CLMN: variants seen among roughly 807,000 people sequenced by gnomAD.
CLMN encodes calmin.
CLMN carries 57 observed loss-of-function variants against 92.7 expected under a neutral mutation model. That is an observed-to-expected ratio of 0.61 (90% CI 0.50 to 0.77). CLMN has a LOEUF of 0.77. Ranked by LOEUF, CLMN falls within the 30% of genes least tolerant of loss-of-function variation. The pLI is 0.00. For missense variants in CLMN, 1,158 were observed against 1,237.5 expected (o/e 0.94, Z 0.96); for synonymous variants, 466 against 470.6 (o/e 0.99, Z 0.13).
At chr14:95,298,812 T>C (rs756867468) in intron 1 of CLMN, among the ~76,000 whole-genome samples, 32 of 152,120 alleles carry the variant, frequency 2.1e-4, no homozygotes, top group Non-Finnish European at 4.4e-4. Context: ...CATTCCTATA[T>C]TACAGAGGAA....
chr14:95,296,231 G>C (rs1228236979), intron 1 of CLMN: 1 of 152,256 alleles, frequency 6.6e-6, no homozygotes, highest in East Asian at 1.9e-4. Flanking sequence ...ACACAAGACA[G>C]AGAGGAAGGG....
intron 1 of CLMN, among the ~76,000 whole-genome samples, chr14:95,252,636 C>A (rs1898836221): frequency 6.6e-6 from 1 of 152,156 alleles, no homozygotes; most frequent in African/African-American, 2.4e-5. Context: ...GGCCGCCAAT[C>A]CAGAAAGACC....
At position 95,191,285 on chromosome 14, in the gene CLMN, C is replaced by T; in HGVS notation, c.*279G>A. 1 of 264,178 alleles carries T rather than the reference C, an allele frequency of 3.8e-6. No homozygotes were observed. 16.4% of individuals were successfully genotyped at this position (264,178 alleles called of 1,614,324 possible). ...AATGATCACTAACAATGCTCCCTATCCAACCCAGCAAGGCACACAAGGACA... is the reference window on the plus strand; with the variant it reads ...AATGATCACTAACAATGCTCCCTATTCAACCCAGCAAGGCACACAAGGACA... On this transcript the variant is annotated 3_prime_UTR_variant, in exon 13 of 13. Transcript: ENST00000298912. The surrounding 1 kb of genome is among the most constrained non-coding windows in gnomAD (Gnocchi z 5.3).
chr14:95,306,117 C>G (rs969338086), intron 1 of CLMN, among the ~76,000 whole-genome samples: 8 of 152,100 alleles, frequency 5.3e-5, no homozygotes, highest in African/African-American at 1.9e-4. Context: ...AGGGGGACCA[C>G]AGGTGACAGT....
At chr14:95,301,708 A>G (rs1595113604) in intron 1 of CLMN, among the ~76,000 whole-genome samples, 1 of 152,160 alleles carries the variant, frequency 6.6e-6, no homozygotes, top group Non-Finnish European at 1.5e-5. Context: ...CTACTAGGTC[A>G]CCTGGAGGCC....
rs751769788 is a variant in CLMN, at chr14:95,204,012, A to C, written c.1337T>G (p.Phe446Cys). Residue 446 changes from phenylalanine to cysteine, a missense_variant, in exon 9 of 13, where the codon TTT becomes TGT. By Grantham distance (205) the Phe-to-Cys change is radical (BLOSUM62 -2). Coordinates refer to ENST00000298912, the MANE Select transcript of CLMN (RefSeq NM_024734.4). ...PFCSKNLSLCFEGSPRVAKES... is the reference protein window; with the variant it reads ...PFCSKNLSLCCEGSPRVAKES... ...CTTTGCCACTCTTGGGCTCCCTTCA[A>C]AGCAAAGGGACAGGTTCTTACTGCA... 4 of 1,614,038 alleles carry C rather than the reference A, an allele frequency of 2.5e-6. No homozygotes were observed. The African/African-American group carries it at 5.3e-5, about 22-fold the overall frequency.
At chr14:95,265,541 CCT>C (rs1899438967) in intron 1 of CLMN, among the ~76,000 whole-genome samples, 1 of 152,304 alleles carries the variant, frequency 6.6e-6, no homozygotes, top group Admixed American at 6.5e-5. Context: ...TCTGGAGACC[CCT>C]GACTAATATG....
intron 1 of CLMN, among the ~76,000 whole-genome samples, chr14:95,244,307 A>C (rs1022766722): frequency 1.3e-5 from 2 of 152,178 alleles, no homozygotes; most frequent in African/African-American, 4.8e-5. Flanking sequence ...CTCAGTACCT[A>C]TTCAGGTAGC....
chr14:95,188,816 G>C lies in CLMN; in HGVS notation c.*2748C>G, dbSNP rs894169975. The C allele has an allele frequency of 1.3e-5, 2 of 152,060 alleles. No homozygotes were observed. Among genetic ancestry groups the C allele is most frequent in the East Asian group, 3.9e-4 (2 of 5,186 alleles). 9.4% of individuals were successfully genotyped at this position (152,060 alleles called of 1,614,324 possible). A position where few individuals can be genotyped will look rare whatever the true frequency, so the allele number is the denominator to read the frequency against. ...AATCTCAACCAGCACGCTTGGGAGG[G>C]GCTAGGGGAGGGTATTATTTTCCAC... is the stretch of plus-strand genomic sequence containing the variant. On this transcript the variant is annotated 3_prime_UTR_variant, in exon 13 of 13. Coordinates refer to ENST00000298912, the MANE Select transcript of CLMN (RefSeq NM_024734.4).
chr14:95,276,645 T>C (rs1418255688), intron 1 of CLMN, among the ~76,000 whole-genome samples: 1 of 152,128 alleles, frequency 6.6e-6, no homozygotes, highest in Non-Finnish European at 1.5e-5. Context: ...TTTCTGTCAC[T>C]CAGGGCAACT....
At chr14:95,217,122 A>G (rs1412185083) in intron 4 of CLMN, among the ~76,000 whole-genome samples, 1 of 152,212 alleles carries the variant, frequency 6.6e-6, no homozygotes, top group Non-Finnish European at 1.5e-5. Flanking sequence ...TTTCTTAACA[A>G]CGCTTAATAA....
At chr14:95,281,625 T>C (rs1333892398) in intron 1 of CLMN, among the ~76,000 whole-genome samples, 2 of 152,232 alleles carry the variant, frequency 1.3e-5, no homozygotes, top group Non-Finnish European at 1.5e-5. Flanking sequence ...TTTCTAATTC[T>C]GGGCACATAT....
rs377212957 is a variant in CLMN at position 95,191,551 on chromosome 14, C to A, written c.*13G>T. On this transcript the variant is annotated 3_prime_UTR_variant, in exon 13 of 13. Transcript: ENST00000298912. This position sits in a 1 kb window ranked among gnomAD's most constrained non-coding sequence, Gnocchi z 5.3. The stretch of plus-strand genomic sequence containing the variant: ...GTCAGGGTCCTGTCTTTTTTATTAT[C>A]CAGACACACGTATCAGAGCCTGCTA... 6.2e-7 allele frequency: 1 copy of A among 1,602,718 alleles called. No homozygotes were observed. Among genetic ancestry groups the A allele is most frequent in the Non-Finnish European group, 8.5e-7 (1 of 1,175,062 alleles).
chr14:95,221,682 A>C lies in CLMN; in HGVS notation c.324+9T>G. ...GCTTGTGTTAGCAGGATGAGCTTCA[A>C]ACACTTACATTGCTATCTTCCAAAA... is the stretch of plus-strand genomic sequence containing the variant. On this transcript the variant is annotated intron_variant, in intron 4 of 12. Transcript: ENST00000298912. 6.2e-7 allele frequency: 1 copy of C among 1,612,250 alleles called. No individual in the cohort carries two copies. The highest frequency in any genetic ancestry group is 1.3e-5 in the African/African-American group (1 of 74,972).
chr14:95,209,262 A>T, intron 8 of CLMN, 133 bp downstream of exon 8: 1 of 760,130 alleles, frequency 1.3e-6, no homozygotes, highest in Non-Finnish European at 2.4e-6. Context: ...GCCGTGCTCA[A>T]GGGACTTGGG....
intron 1 of CLMN, among the ~76,000 whole-genome samples, chr14:95,265,450 G>A (rs1394993958): frequency 3.9e-5 from 6 of 152,078 alleles, no homozygotes; most frequent in Admixed American, 2.0e-4. Flanking sequence ...CTTTGATCTC[G>A]CCAAACTCCA....
In CLMN at chr14:95,194,404, T is replaced by TA; in HGVS notation, c.2769+131_2769+132insT. 6.5e-7 allele frequency: 1 copy of TA among 1,534,964 alleles called. No homozygotes were observed. Among genetic ancestry groups the TA allele is most frequent in the East Asian group, 2.4e-5 (1 of 41,432 alleles). ...TGTGCTTAATGATAAGGTTCCAATC[T>TA]GCTTGTCTTCTATCCAAAAGTATAG... On this transcript the variant is annotated intron_variant, in intron 11 of 12. Transcript: ENST00000298912. The surrounding 1 kb of genome is among the most constrained non-coding windows in gnomAD (Gnocchi z 4.0).
intron 1 of CLMN, among the ~76,000 whole-genome samples, chr14:95,269,563 C>A (rs952369140): frequency 6.6e-6 from 1 of 152,212 alleles, no homozygotes; most frequent in Admixed American, 6.5e-5. Flanking sequence ...TCATATTTGG[C>A]CTTTTGAGTC....
chr14:95,193,972 A>G, intron 11 of CLMN, 53 bp from the exon 12 acceptor site: 1 of 1,599,078 alleles, frequency 6.3e-7, no homozygotes, highest in South Asian at 1.1e-5. Flanking sequence ...GTAAAGATGA[A>G]ATCTCTGAAA....
Sources: gnomAD v4.1 joint callset for allele counts (sites outside exome capture counted in the v4.1 genomes callset) on GRCh38, gnomAD v4.1.1 for gene constraint, Gnocchi (gnomAD v3.1) non-coding constraint, MANE v1.5 for transcripts, NCBI Gene and HGNC (gene_info 2026-07-23, HGNC 2026-07-21) for gene names.